Variants in DNAJC12 observed in about 807,000 individuals in gnomAD.
The protein encoded by DNAJC12 is dnaJ homolog subfamily C member 12.
In DNAJC12, 25 loss-of-function variants were observed where a neutral mutation model predicts 28.5. That is an observed-to-expected ratio of 0.88 (90% CI 0.64 to 1.22). The LOEUF (loss-of-function observed/expected upper bound fraction) is 1.22, where lower values mean the gene tolerates loss of function less well. DNAJC12 is among the 50% of genes most tolerant of loss of function. The pLI is 0.00. For missense variants in DNAJC12, 222 were observed against 231.7 expected, an observed-to-expected ratio of 0.96 and a Z score of 0.27; for synonymous variants, 77 against 80.6, an observed-to-expected ratio of 0.95 and a Z score of 0.24.
At chr10:67,833,779 T>C in intron 1 of DNAJC12, 1 of 488,330 alleles carries the variant, frequency 2.0e-6, no homozygotes, top group Admixed American at 2.3e-5. Context: ...AGTACAATGG[T>C]AGCAGTTGGA....
At chr10:67,821,788 G>A (rs1188471409) in intron 2 of DNAJC12, among the ~76,000 whole-genome samples, 1 of 152,158 alleles carries the variant, frequency 6.6e-6, no homozygotes, top group African/African-American at 2.4e-5. Flanking sequence ...AGCATGAAGC[G>A]AGGAGGACAC....
chr10:67,830,643 AAAT>A (rs1842084615), intron 1 of DNAJC12, among the ~76,000 whole-genome samples: 1 of 150,664 alleles, frequency 6.6e-6, no homozygotes, highest in African/African-American at 2.5e-5. Flanking sequence ...ATAAATAAAT[AAAT>A]AAATAAATAA....
At chr10:67,809,901 T>TAC (rs1366686278) in intron 3 of DNAJC12, among the ~76,000 whole-genome samples, 1 of 152,188 alleles carries the variant, frequency 6.6e-6, no homozygotes, top group African/African-American at 2.4e-5. Context: ...CAATGTATAC[T>TAC]ACTCAGGTGA....
intron 2 of DNAJC12, among the ~76,000 whole-genome samples, chr10:67,819,531 C>T (rs555693159): frequency 1.3e-5 from 2 of 150,976 alleles, no homozygotes; most frequent in African/African-American, 2.4e-5. Context: ...CCCAGCTTCT[C>T]GGGAGGCTGA....
rs565377448 is a variant in DNAJC12 at position 67,807,514 on chromosome 10, T to C, written c.298-1727A>G. ...GTATTAAAAAAAAAAATGACTTTTG[T>C]TTGGTTGGTTTAGGTTTGTTGTTTT... is the stretch of plus-strand genomic sequence containing the variant. On this transcript the variant is annotated intron_variant, in intron 3 of 4. Coordinates refer to ENST00000225171, the MANE Select transcript of DNAJC12 (RefSeq NM_021800.3). Among the ~76,000 whole-genome samples, 97 of 152,190 alleles carry C rather than the reference T, an allele frequency of 6.4e-4. 1 individual carries two copies. The highest frequency in any genetic ancestry group is 1.8e-4 in the Non-Finnish European group (12 of 68,002).
At chr10:67,813,762 G>GA (rs201652025) in intron 2 of DNAJC12, among the ~76,000 whole-genome samples, 527 of 95,004 alleles carry the variant, frequency 5.5e-3, no homozygotes, top group African/African-American at 0.016. Context: ...TGTCTCAAAA[G>GA]AAAAAAAAAA....
chr10:67,810,616 G>C lies in DNAJC12; in HGVS notation c.297+908C>G, dbSNP rs569777675. On this transcript the variant is annotated intron_variant, in intron 3 of 4. Transcript: ENST00000225171. ...GGTGTGAAGGAAAGGGAATTTATGA[G>C]ATTTAACAATCTAGCCAGGTGCGAT... Among the ~76,000 whole-genome samples, 87 of 152,286 alleles carry C rather than the reference G, an allele frequency of 5.7e-4. 1 individual carries two copies. The highest frequency in any genetic ancestry group is 3.4e-3 in the Middle Eastern group (1 of 294).
At chr10:67,825,648 A>AC (rs1842022117) in intron 1 of DNAJC12, 1 of 152,294 alleles carries the variant, frequency 6.6e-6, no homozygotes, top group African/African-American at 2.4e-5. Flanking sequence ...ATATTTACTA[A>AC]CCACTAATTA....
intron 1 of DNAJC12, among the ~76,000 whole-genome samples, chr10:67,831,900 T>G (rs977786733): frequency 1.3e-5 from 2 of 152,206 alleles, no homozygotes; most frequent in African/African-American, 4.8e-5. Flanking sequence ...TTTCTGAAAA[T>G]TATGGCTAAT....
chr10:67,829,884 G>C (rs1209874540), intron 1 of DNAJC12, among the ~76,000 whole-genome samples: 2 of 151,962 alleles, frequency 1.3e-5, no homozygotes, highest in Middle Eastern at 3.4e-3. Flanking sequence ...TATGAGAAAA[G>C]GTAAGATATG....
intron 4 of DNAJC12, among the ~76,000 whole-genome samples, chr10:67,803,170 A>T (rs971601663): frequency 1.3e-5 from 2 of 151,646 alleles, no homozygotes; most frequent in African/African-American, 2.4e-5. Context: ...AAAAAAAAAA[A>T]TTTTATGAGG....
At chr10:67,814,397 C>T (rs1157071604) in intron 2 of DNAJC12, among the ~76,000 whole-genome samples, 1 of 151,404 alleles carries the variant, frequency 6.6e-6, no homozygotes, top group East Asian at 1.9e-4. Context: ...GGGTTAAAAC[C>T]ATAAAAAACT....
intron 2 of DNAJC12, among the ~76,000 whole-genome samples, chr10:67,821,613 T>A (rs568238874): frequency 1.3e-5 from 2 of 152,354 alleles, no homozygotes; most frequent in South Asian, 2.1e-4. Flanking sequence ...AGTTTTAAGC[T>A]GGGCGGAACA....
intron 2 of DNAJC12, chr10:67,815,988 T>C (rs1841912442): frequency 1.3e-5 from 5 of 398,160 alleles, no homozygotes; most frequent in Non-Finnish European, 1.8e-5. Flanking sequence ...GGTTTATATT[T>C]TTCCATTAAT....
At chr10:67,806,251 G>A (rs1278000034) in intron 3 of DNAJC12, among the ~76,000 whole-genome samples, 3 of 152,216 alleles carry the variant, frequency 2.0e-5, no homozygotes, top group African/African-American at 7.2e-5. Flanking sequence ...CTAAGAAACA[G>A]TGACACACTA....
chr10:67,822,804 A>T (rs1001777415), intron 2 of DNAJC12, among the ~76,000 whole-genome samples: 2 of 151,962 alleles, frequency 1.3e-5, no homozygotes, highest in Non-Finnish European at 2.9e-5. Flanking sequence ...CCTGCCCAAC[A>T]TAGTGAAACC....
chr10:67,824,416 T>C (rs1227912081), intron 1 of DNAJC12, among the ~76,000 whole-genome samples: 2 of 152,014 alleles, frequency 1.3e-5, no homozygotes, highest in Admixed American at 6.6e-5. Flanking sequence ...TTCCTGTCTT[T>C]TGGTCTTTTT....
chr10:67,799,892 TGTA>T (rs1841723474), intron 4 of DNAJC12, among the ~76,000 whole-genome samples: 1 of 34,754 alleles, frequency 2.9e-5, no homozygotes, highest in African/African-American at 7.5e-5. Context: ...AAAAAAAAAA[TGTA>T]GTTTCTAGTT....
intron 2 of DNAJC12, among the ~76,000 whole-genome samples, chr10:67,820,777 C>CT (rs71006170): frequency 0.015 from 1,029 of 68,322 alleles, 7 homozygotes; most frequent in African/African-American, 0.022. Context: ...TTCTTTTTTC[C>CT]TTTTTTTTTT....
Sources: gnomAD v4.1 joint callset for allele counts (sites outside exome capture counted in the v4.1 genomes callset) on GRCh38, gnomAD v4.1.1 for gene constraint, MANE v1.5 for transcripts, NCBI Gene and HGNC (gene_info 2026-07-23, HGNC 2026-07-21) for gene names.